Variants in DEPDC5 observed in about 807,000 individuals in gnomAD.
DEPDC5 encodes DEP domain containing 5, GATOR1 subcomplex subunit.
A neutral mutation model predicts 217.3 loss-of-function variants in DEPDC5; 73 were observed. The ratio of observed to expected loss-of-function variants is 0.34; its 90% CI spans 0.28 to 0.41. The LOEUF (loss-of-function observed/expected upper bound fraction) is 0.41. Among genes scored for constraint, DEPDC5 ranks in the 10% least tolerant of loss-of-function variants. DEPDC5 has a pLI of 1.00. For missense variants in DEPDC5, 1,675 were observed against 2,070.1 expected (o/e 0.81, Z 3.70); for synonymous variants, 733 against 756.7 (o/e 0.97, Z 0.51).
chr22:31,763,284 C>A (rs1007278651), intron 4 of DEPDC5, among the ~76,000 whole-genome samples: 1 of 151,884 alleles, frequency 6.6e-6, no homozygotes, highest in Non-Finnish European at 1.5e-5. Flanking sequence ...CCACCATGCC[C>A]GGCCTAATTT....
At position 31,801,503 on chromosome 22, in the gene DEPDC5, A is replaced by G. The variant is rs926538166; in HGVS notation, c.947-1201A>G. 9.2e-5 allele frequency among the ~76,000 whole-genome samples: 14 copies of G among 152,292 alleles called. No homozygotes were observed. The South Asian group carries it at 2.9e-3, about 32-fold the overall frequency. Reference sequence around the variant, plus strand: ...GAAATATATTGTTTGCAAATAACAGAGATGTACTGATTTAGTTTAAACAAA... The same window carrying G: ...GAAATATATTGTTTGCAAATAACAGGGATGTACTGATTTAGTTTAAACAAA... On this transcript the variant is annotated intron_variant, in intron 14 of 42. Coordinates refer to ENST00000651528, the MANE Select transcript of DEPDC5 (RefSeq NM_001242896.3).
chr22:31,874,194 T>G, intron 35 of DEPDC5, 79 bp from the exon 36 acceptor site: 1 of 1,542,264 alleles, frequency 6.5e-7, no homozygotes, highest in East Asian at 2.4e-5. Flanking sequence ...TGGGAGTCCC[T>G]TCTTTTTCAT....
intron 20 of DEPDC5, among the ~76,000 whole-genome samples, chr22:31,812,450 A>T (rs2088501667): frequency 8.9e-6 from 1 of 112,418 alleles, no homozygotes; most frequent in Admixed American, 1.1e-4. Flanking sequence ...TTTGAGACAG[A>T]GTCTCGCTCT....
intron 23 of DEPDC5, 127 bp downstream of exon 23, chr22:31,821,764 C>A: frequency 7.4e-7 from 1 of 1,353,432 alleles, no homozygotes; most frequent in Non-Finnish European, 1.0e-6. Flanking sequence ...GAGGTCAGGG[C>A]CTTCCTTTGT....
At chr22:31,792,228 G>T (rs2085747069) in intron 11 of DEPDC5, 126 bp downstream of exon 11, 3 of 701,912 alleles carry the variant, frequency 4.3e-6, no homozygotes, top group Non-Finnish European at 4.9e-6. Context: ...CTGTTATGGG[G>T]ACAGTGTAAA....
intron 4 of DEPDC5, among the ~76,000 whole-genome samples, chr22:31,761,712 A>G (rs1277245576): frequency 1.3e-5 from 2 of 151,222 alleles, no homozygotes; most frequent in African/African-American, 4.9e-5. Flanking sequence ...TTATGCCTGT[A>G]ATCCTGGGAG....
At chr22:31,839,981 G>T (rs1157594540) in intron 27 of DEPDC5, among the ~76,000 whole-genome samples, 1 of 152,108 alleles carries the variant, frequency 6.6e-6, no homozygotes, top group Non-Finnish European at 1.5e-5. Context: ...GAAAAGAAAA[G>T]AAAAATAAAT....
At chr22:31,772,823 C>T (rs1351244558) in intron 7 of DEPDC5, among the ~76,000 whole-genome samples, 1 of 151,710 alleles carries the variant, frequency 6.6e-6, no homozygotes, top group African/African-American at 2.4e-5. Context: ...TCTCTGTTGC[C>T]TAGGCTGGAG....
chr22:31,874,115 C>T (rs2092927412), intron 35 of DEPDC5, 158 bp from the exon 36 acceptor site: 2 of 1,178,032 alleles, frequency 1.7e-6, no homozygotes, highest in Admixed American at 2.9e-5. Flanking sequence ...TTCTTTTGTC[C>T]TCTCATGGGT....
rs186859884 is a variant in DEPDC5, at chr22:31,781,179, G to A, written c.484-2728G>A. Among the ~76,000 whole-genome samples the A allele has an allele frequency of 4.7e-5, 7 of 149,244 alleles. No individual in the cohort carries two copies. The East Asian group carries it at 1.2e-3, about 25-fold the overall frequency. On this transcript the variant is annotated intron_variant, in intron 8 of 42. Transcript: ENST00000651528. ...TGCGGTGAACCAAGATCGCGCCATT[G>A]CACTCCAGCCTGGGCAACAAGAGCG...
At chr22:31,887,083 GA>G (rs552759243) in intron 38 of DEPDC5, among the ~76,000 whole-genome samples, 100 of 99,892 alleles carry the variant, frequency 1.0e-3, no homozygotes, top group Admixed American at 1.9e-3. Context: ...ATTCCATCTC[GA>G]AAAAAAAAAA....
At chr22:31,823,947 G>T (rs2089935377) in intron 24 of DEPDC5, among the ~76,000 whole-genome samples, 1 of 152,166 alleles carries the variant, frequency 6.6e-6, no homozygotes, top group African/African-American at 2.4e-5. Context: ...AGAGGACAGA[G>T]ATATTGTACA....
intron 24 of DEPDC5, among the ~76,000 whole-genome samples, chr22:31,833,068 G>C (rs1417201077): frequency 6.6e-6 from 1 of 152,120 alleles, no homozygotes. Flanking sequence ...ATATTTTTAT[G>C]TGTATTTACA....
intron 38 of DEPDC5, 42 bp downstream of exon 38, chr22:31,879,794 G>C: frequency 6.4e-7 from 1 of 1,565,258 alleles, no homozygotes. Context: ...TGTGCCAGTG[G>C]GTGGCTGCGG....
intron 11 of DEPDC5, 28 bp downstream of exon 11, chr22:31,792,130 A>T: frequency 6.4e-7 from 1 of 1,557,696 alleles, no homozygotes; most frequent in Non-Finnish European, 8.8e-7. Context: ...TCCTACAGTT[A>T]TGTTTTTGTT....
Position 31,856,155 on chromosome 22 carries a change from G to GCGCA in DEPDC5, c.3156-1289_3156-1288insGCAC, listed in dbSNP as rs1226909374. On this transcript the variant is annotated intron_variant, in intron 31 of 42. Coordinates refer to ENST00000651528, the MANE Select transcript of DEPDC5 (RefSeq NM_001242896.3). ...GAGATGTGCTGAGTTGGGCCAACGC[G>GCGCA]CACACACACACACACACACACACAC... Among the ~76,000 whole-genome samples, 253 of 140,676 alleles carry GCGCA rather than the reference G, an allele frequency of 1.8e-3. 5 individuals are homozygous for GCGCA. Among genetic ancestry groups the GCGCA allele is most frequent in the Non-Finnish European group, 7.6e-4 (49 of 64,580 alleles). The allele number at this position is 140,676 out of a possible 152,430, so 92.3% of individuals were successfully genotyped here.
Position 31,864,530 on chromosome 22 carries a change from A to ATT in DEPDC5, c.3330+3098_3330+3099insTT, listed in dbSNP as rs1555910802. The stretch of plus-strand genomic sequence containing the variant: ...TATATATATATATATATATATTTAT[A>ATT]TATTTATTTATTTACTGTGTGTATT... On this transcript the variant is annotated intron_variant, in intron 33 of 42. Coordinates refer to ENST00000651528, the MANE Select transcript of DEPDC5 (RefSeq NM_001242896.3). Among the ~76,000 whole-genome samples, 39 of 139,052 alleles carry ATT rather than the reference A, an allele frequency of 2.8e-4. 1 individual carries two copies. The highest frequency in any genetic ancestry group is 4.5e-4 in the South Asian group (2 of 4,464). The allele number at this position is 139,052 out of a possible 152,430, so 91.2% of individuals were successfully genotyped here. A position where few individuals can be genotyped will look rare whatever the true frequency, so the allele number is the denominator to read the frequency against.
chr22:31,754,784 T>G, intron 1 of DEPDC5, 78 bp from the exon 2 acceptor site: 2 of 936,050 alleles, frequency 2.1e-6, no homozygotes, highest in Non-Finnish European at 3.3e-6. Context: ...CACCAGTATC[T>G]TCACTGGCCT....
intron 5 of DEPDC5, among the ~76,000 whole-genome samples, chr22:31,766,080 C>CA (rs2082791887): frequency 6.6e-6 from 1 of 152,150 alleles, no homozygotes; most frequent in African/African-American, 2.4e-5. Flanking sequence ...AGAATGTAGG[C>CA]AGTATGTAGG....
Sources: gnomAD v4.1 joint callset for allele counts (sites outside exome capture counted in the v4.1 genomes callset) on GRCh38, gnomAD v4.1.1 for gene constraint, MANE v1.5 for transcripts, NCBI Gene and HGNC (gene_info 2026-07-23, HGNC 2026-07-21) for gene names.